MYO18B: variants seen among roughly 807,000 people sequenced by gnomAD.
MYO18B encodes unconventional myosin-XVIIIb.
Under a neutral mutation model 273.0 loss-of-function variants are expected in MYO18B, and 204 were observed. The ratio of observed to expected loss-of-function variants is 0.75; its 90% CI spans 0.67 to 0.84. The LOEUF is 0.84. Among genes scored for constraint, MYO18B ranks in the 40% least tolerant of loss-of-function variants. The pLI is 0.00. For synonymous variants in MYO18B, 1,330 were observed against 1,305.7 expected (o/e 1.02, Z -0.40); for missense variants, 3,212 against 3,287.6 (o/e 0.98, Z 0.56).
chr22:25,895,837 T>C (rs774410079), intron 28 of MYO18B, among the ~76,000 whole-genome samples: 1 of 152,166 alleles, frequency 6.6e-6, no homozygotes, highest in Admixed American at 6.5e-5. Flanking sequence ...TTTCCTTGTG[T>C]GTTTTGTAAA....
In MYO18B at chr22:25,898,019, G is replaced by A. The variant is rs1569165770; in HGVS notation, c.4669-288G>A. The A allele has an allele frequency of 9.1e-6, 3 of 329,214 alleles. No individual in the cohort carries two copies. The South Asian group carries it at 1.5e-4, about 17-fold the overall frequency. 20.4% of individuals were successfully genotyped at this position (329,214 alleles called of 1,614,324 possible). ...TCAGGGGTCATCAAGTTGAGGCAGG[G>A]TAGGTAAAGTCTGTGGGTGCATTGG... On this transcript the variant is annotated intron_variant, in intron 28 of 43. Coordinates refer to ENST00000335473, the MANE Select transcript of MYO18B (RefSeq NM_032608.7).
At chr22:25,827,759 G>A (rs1030166455) in intron 14 of MYO18B, among the ~76,000 whole-genome samples, 7 of 152,190 alleles carry the variant, frequency 4.6e-5, no homozygotes, top group Non-Finnish European at 8.8e-5. Context: ...TACTGGGAAT[G>A]GGAAATGAAC....
Position 25,768,943 on chromosome 22 carries a change from A to C in MYO18B, c.1027A>C (p.Ser343Arg), listed in dbSNP as rs2086613091. ...NKKDKEGVLL[S>R]KAEKTGEPQT... is the part of the protein sequence containing the mutation. ...GAAGGACAAAGAAGGGGTGCTCTTA[A>C]GTAAGGCAGAGAAGACAGGTGAGCC... The change falls in exon 4 of 44, where the codon AGT (serine) becomes CGT (arginine). Residue 343 changes from serine to arginine, a missense_variant. Transcript: ENST00000335473. 1 of 1,611,988 alleles carries C rather than the reference A, an allele frequency of 6.2e-7. No homozygotes were observed. The highest frequency in any genetic ancestry group is 1.7e-5 in the Admixed American group (1 of 59,676).
At chr22:26,053,353 G>T in the MYO18B span, among the ~76,000 whole-genome samples, 774 of 152,268 alleles carry the variant, frequency 5.1e-3, 5 homozygotes, top group African/African-American at 0.016. Context: ...AGTAAGGTAG[G>T]TAATATTACT....
rs189680442 is a variant in MYO18B at position 25,893,185 on chromosome 22, A to G, written c.4543+1773A>G. On this transcript the variant is annotated intron_variant, in intron 27 of 43. Coordinates refer to ENST00000335473, the MANE Select transcript of MYO18B (RefSeq NM_032608.7). ...TCGCAGTGGTACCACAACCACCTCT[A>G]TGGTTCAAGATGGAGTATGAATTAT... is the stretch of plus-strand genomic sequence containing the variant. 6.0e-4 allele frequency among the ~76,000 whole-genome samples: 91 copies of G among 152,354 alleles called. 1 individual carries two copies. Among genetic ancestry groups the G allele is most frequent in the Admixed American group, 2.7e-3 (42 of 15,302 alleles).
At chr22:25,794,764 A>G (rs1191907853) in intron 11 of MYO18B, among the ~76,000 whole-genome samples, 1 of 152,184 alleles carries the variant, frequency 6.6e-6, no homozygotes, top group Non-Finnish European at 1.5e-5. Flanking sequence ...TCGGCCTCCC[A>G]AAGTGCTGGG....
intron 39 of MYO18B, among the ~76,000 whole-genome samples, chr22:25,956,418 G>C (rs1442091190): frequency 6.6e-6 from 1 of 152,088 alleles, no homozygotes; most frequent in Non-Finnish European, 1.5e-5. Flanking sequence ...GTTTCACTTT[G>C]TGGCCCAGGC....
rs1237672632 is a variant in MYO18B at position 25,950,418 on chromosome 22, G to A, written c.5800G>A (p.Ala1934Thr). ...IQELQLQLEE[A>T]KKEKHKLQEQ... ...AGAACTGCAGCTGCAGCTGGAGGAAGCCAAGAAGGAGAAGCACAAGCTACA... is the reference window on the plus strand; with the variant it reads ...AGAACTGCAGCTGCAGCTGGAGGAAACCAAGAAGGAGAAGCACAAGCTACA... The change falls in exon 37 of 44, where the codon GCC becomes ACC. Residue 1934 changes from alanine (A) to threonine (T), a missense_variant. Transcript: ENST00000335473. 6.2e-7 allele frequency: 1 copy of A among 1,608,506 alleles called. No homozygotes were observed. The highest frequency in any genetic ancestry group is 8.5e-7 in the Non-Finnish European group (1 of 1,177,434).
At chr22:25,960,323 C>T (rs140019997) in intron 39 of MYO18B, among the ~76,000 whole-genome samples, 350 of 152,222 alleles carry the variant, frequency 2.3e-3, no homozygotes, top group Non-Finnish European at 4.1e-3. Flanking sequence ...TTACAGGGCC[C>T]GGGGGAACCA....
chr22:25,893,812 CATCCATTT>C (rs1202742079), intron 27 of MYO18B, among the ~76,000 whole-genome samples: 3 of 150,992 alleles, frequency 2.0e-5, no homozygotes, highest in African/African-American at 7.4e-5. Flanking sequence ...TCCACCCATC[CATCCATTT>C]ATCCATCTGC....
rs2090649417 is a variant in MYO18B at position 25,858,859 on chromosome 22, A to T, written c.3885+7280A>T. Among the ~76,000 whole-genome samples the T allele has an allele frequency of 2.6e-5, 4 of 152,196 alleles. No individual in the cohort carries two copies. The South Asian group carries it at 8.3e-4, about 32-fold the overall frequency. On this transcript the variant is annotated intron_variant, in intron 21 of 43. Coordinates refer to ENST00000335473, the MANE Select transcript of MYO18B (RefSeq NM_032608.7). Reference sequence around the variant, plus strand: ...ATGAATCTTACTAGTTGTGAATTCGAAGTGGGATAGCTTAACAGGTTAAGG... The same window carrying T: ...ATGAATCTTACTAGTTGTGAATTCGTAGTGGGATAGCTTAACAGGTTAAGG...
intron 10 of MYO18B, 127 bp from the exon 11 acceptor site, chr22:25,785,301 C>A (rs1448942339): frequency 1.3e-6 from 1 of 797,370 alleles, no homozygotes; most frequent in Non-Finnish European, 2.0e-6. Flanking sequence ...GGGGCCAAGG[C>A]CAGGGACAGG....
At chr22:25,767,359 G>A (rs1386793635) in intron 3 of MYO18B, among the ~76,000 whole-genome samples, 2 of 152,170 alleles carry the variant, frequency 1.3e-5, no homozygotes, top group African/African-American at 4.8e-5. Flanking sequence ...AGAAACCAGG[G>A]CCCTCAGCTG....
the MYO18B span, among the ~76,000 whole-genome samples, chr22:26,046,264 A>T: frequency 2.0e-5 from 3 of 152,214 alleles, no homozygotes; most frequent in Non-Finnish European, 1.5e-5. Flanking sequence ...CACACTTGTG[A>T]TTTGGGAGCA....
chr22:25,996,848 C>T (rs1245172612), intron 40 of MYO18B, among the ~76,000 whole-genome samples: 4 of 152,212 alleles, frequency 2.6e-5, no homozygotes, highest in South Asian at 4.1e-4. Context: ...GATGAGGGAG[C>T]AGCAGCCCTC....
intron 4 of MYO18B, 33 bp downstream of exon 4, chr22:25,769,461 G>A (rs895327737): frequency 3.7e-5 from 54 of 1,473,338 alleles, no homozygotes; most frequent in East Asian, 4.9e-5. Context: ...AGCGGGAAGC[G>A]GCAGACAGGC....
At chr22:25,766,148 A>G (rs1057299761) in intron 3 of MYO18B, among the ~76,000 whole-genome samples, 1 of 152,008 alleles carries the variant, frequency 6.6e-6, no homozygotes, top group Non-Finnish European at 1.5e-5. Context: ...GGCATCTAAT[A>G]TGCCGCAGTT....
intron 26 of MYO18B, 104 bp downstream of exon 26, chr22:25,890,979 G>A (rs2091645627): frequency 1.4e-6 from 2 of 1,462,064 alleles, no homozygotes; most frequent in East Asian, 2.5e-5. Flanking sequence ...TAAGCAAGAT[G>A]CACAGGTTGA....
At position 25,770,252 on chromosome 22, in the gene MYO18B, C is replaced by T. The variant is rs1326068205; in HGVS notation, c.1579+76C>T. The T allele has an allele frequency of 2.8e-6, 4 of 1,450,148 alleles. No homozygotes were observed. The East Asian group carries it at 9.1e-5, about 33-fold the overall frequency. 89.8% of individuals were successfully genotyped at this position (1,450,148 alleles called of 1,614,324 possible). A position where few individuals can be genotyped will look rare whatever the true frequency, so the allele number is the denominator to read the frequency against. ...CCCTACTGCTGCCAGCCATATGTTC[C>T]AGGTCCTGATTATACTTTGGTGGTC... is the stretch of plus-strand genomic sequence containing the variant. On this transcript the variant is annotated intron_variant, in intron 5 of 43. Transcript: ENST00000335473.
Sources: allele counts gnomAD v4.1 joint callset (sites outside exome capture counted in the v4.1 genomes callset), GRCh38; gene constraint gnomAD v4.1.1; transcripts MANE v1.5; gene names NCBI Gene and HGNC (gene_info 2026-07-23, HGNC 2026-07-21).